TOX: variants seen among roughly 807,000 people sequenced by gnomAD.
The protein encoded by TOX is thymocyte selection-associated high mobility group box protein TOX.
Under a neutral mutation model 53.7 loss-of-function variants are expected in TOX, and 11 were observed. That is an observed-to-expected ratio of 0.20 (90% confidence interval 0.13 to 0.34). The LOEUF (loss-of-function observed/expected upper bound fraction) is 0.34, where lower values mean the gene tolerates loss of function less well. TOX is among the 10% of genes least tolerant of loss of function. The pLI is 1.00. For synonymous variants in TOX, 225 were observed against 245.3 expected, an observed-to-expected ratio of 0.92 and a Z score of 0.77; for missense variants, 570 against 664.6, an observed-to-expected ratio of 0.86 and a Z score of 1.56.
At chr8:59,104,566 G>C (rs968520701) in intron 1 of TOX, among the ~76,000 whole-genome samples, 1 of 152,188 alleles carries the variant, frequency 6.6e-6, no homozygotes, top group South Asian at 2.1e-4. Context: ...CTCAGATGAA[G>C]AGCAAGAGGC....
At chr8:58,857,741 A>T (rs1810939372) in intron 3 of TOX, among the ~76,000 whole-genome samples, 1 of 152,036 alleles carries the variant, frequency 6.6e-6, no homozygotes, top group East Asian at 1.9e-4. Context: ...ATTTCAGCAT[A>T]TGTTTTCACT....
chr8:59,030,342 T>G (rs913042460), intron 1 of TOX, among the ~76,000 whole-genome samples: 5 of 152,206 alleles, frequency 3.3e-5, no homozygotes, highest in African/African-American at 1.2e-4. Flanking sequence ...AAGTAATGTT[T>G]GTTAATGTTA....
Position 58,921,466 on chromosome 8 carries a change from G to A in TOX, c.411+17836C>T, listed in dbSNP as rs112539929. On this transcript the variant is annotated intron_variant, in intron 3 of 8. Coordinates refer to ENST00000361421, the MANE Select transcript of TOX (RefSeq NM_014729.3). The stretch of plus-strand genomic sequence containing the variant: ...AACTATGAAATGTTATACTCCACCA[G>A]AAATATTAGAATACATTTGGTGTTA... Among the ~76,000 whole-genome samples the A allele has an allele frequency of 6.3e-3, 965 of 152,254 alleles. 13 individuals carry two copies. The highest frequency in any genetic ancestry group is 0.022 in the African/African-American group (925 of 41,552).
chr8:59,006,073 T>A (rs531396232), intron 1 of TOX, among the ~76,000 whole-genome samples: 1 of 152,244 alleles, frequency 6.6e-6, no homozygotes, highest in Non-Finnish European at 1.5e-5. Context: ...AGGTTTTATA[T>A]AGATGTCAGA....
chr8:58,827,913 C>T (rs1810391296), intron 5 of TOX, among the ~76,000 whole-genome samples: 1 of 152,170 alleles, frequency 6.6e-6, no homozygotes, highest in Non-Finnish European at 1.5e-5. Context: ...TTTCATCCTT[C>T]ACTGTGTAAA....
At chr8:58,930,983 T>C (rs1015516338) in intron 3 of TOX, among the ~76,000 whole-genome samples, 1 of 152,168 alleles carries the variant, frequency 6.6e-6, no homozygotes. Context: ...TTTATTCATC[T>C]TTGTTTGCTA....
Position 59,092,282 on chromosome 8 carries a change from T to TA in TOX, c.102+26603_102+26604insT, listed in dbSNP as rs1554545758. 4.1e-3 allele frequency among the ~76,000 whole-genome samples: 446 copies of TA among 108,402 alleles called. 15 individuals are homozygous for TA. Among genetic ancestry groups the TA allele is most frequent in the Non-Finnish European group, 7.1e-3 (387 of 54,320 alleles). 71.1% of individuals were successfully genotyped at this position (108,402 alleles called of 152,430 possible). ...TATATATTTTATATATATATATATA[T>TA]TATATATACATTATATATATTATAT... On this transcript the variant is annotated intron_variant, in intron 1 of 8. Transcript: ENST00000361421.
At chr8:58,843,490 T>TA (rs1490599455) in intron 4 of TOX, among the ~76,000 whole-genome samples, 1 of 152,196 alleles carries the variant, frequency 6.6e-6, no homozygotes, top group Admixed American at 6.5e-5. Flanking sequence ...TTTTATGAGA[T>TA]AAAATGTACT....
chr8:59,092,536 A>G (rs1355868297), intron 1 of TOX, among the ~76,000 whole-genome samples: 1 of 151,332 alleles, frequency 6.6e-6, no homozygotes, highest in Admixed American at 6.6e-5. Flanking sequence ...CTTCTTTAAT[A>G]AAATCTTTAA....
chr8:58,983,110 A>G (rs919804454), intron 1 of TOX, among the ~76,000 whole-genome samples: 1 of 152,206 alleles, frequency 6.6e-6, no homozygotes, highest in African/African-American at 2.4e-5. Flanking sequence ...TTACTCCTAC[A>G]TCAGTTTCAC....
intron 3 of TOX, among the ~76,000 whole-genome samples, chr8:58,902,749 C>T (rs900680883): frequency 2.0e-4 from 30 of 152,190 alleles, no homozygotes; most frequent in African/African-American, 6.3e-4. Context: ...TGCCACTTCA[C>T]AATGATATGT....
At chr8:59,064,108 G>A (rs539705160) in intron 1 of TOX, among the ~76,000 whole-genome samples, 25 of 152,210 alleles carry the variant, frequency 1.6e-4, no homozygotes, top group African/African-American at 6.0e-4. Context: ...AGAGTAGAAA[G>A]GAGCCAGATA....
intron 3 of TOX, among the ~76,000 whole-genome samples, chr8:58,913,405 T>G (rs868437987): frequency 8.5e-5 from 13 of 152,366 alleles, no homozygotes; most frequent in South Asian, 6.2e-4. Flanking sequence ...CTGTTTTCAC[T>G]GCAATTTTCT....
chr8:58,807,847 G>T, intron 8 of TOX, 64 bp from the exon 9 acceptor site: 1 of 1,589,826 alleles, frequency 6.3e-7, no homozygotes, highest in South Asian at 1.1e-5. Flanking sequence ...GTGACAATGG[G>T]GGGATGGATG....
chr8:58,865,081 A>G (rs891780738), intron 3 of TOX, among the ~76,000 whole-genome samples: 2 of 152,132 alleles, frequency 1.3e-5, no homozygotes, highest in African/African-American at 4.8e-5. Context: ...CTCCCATGCA[A>G]TCTAACTGAG....
chr8:59,090,075 A>C (rs1439122943), intron 1 of TOX, among the ~76,000 whole-genome samples: 1 of 152,232 alleles, frequency 6.6e-6, no homozygotes, highest in Non-Finnish European at 1.5e-5. Context: ...ACTGTGTTCT[A>C]CTGGATTACA....
At chr8:58,963,314 T>TAGAGATAG (rs1554533756) in intron 1 of TOX, among the ~76,000 whole-genome samples, 4 of 130,744 alleles carry the variant, frequency 3.1e-5, no homozygotes, top group African/African-American at 1.1e-4. Context: ...TAGATATATA[T>TAGAGATAG]ATAGATAGAT....
chr8:58,949,064 A>G (rs1585918816), intron 2 of TOX, among the ~76,000 whole-genome samples: 1 of 152,178 alleles, frequency 6.6e-6, no homozygotes, highest in Non-Finnish European at 1.5e-5. Flanking sequence ...AATTTCTCTA[A>G]GCCTCAGTTT....
chr8:59,035,295 T>C (rs371559957), intron 1 of TOX, among the ~76,000 whole-genome samples: 1 of 151,226 alleles, frequency 6.6e-6, no homozygotes. Context: ...AGATGAAAAT[T>C]AGAGCCAATA....
Sources: gnomAD v4.1 joint callset for allele counts (sites outside exome capture counted in the v4.1 genomes callset) on GRCh38, gnomAD v4.1.1 for gene constraint, MANE v1.5 for transcripts, NCBI Gene and HGNC (gene_info 2026-07-23, HGNC 2026-07-21) for gene names.